BIN3: variants seen among roughly 807,000 people sequenced by gnomAD.
The protein encoded by BIN3 is bridging integrator 3.
In BIN3, 41 loss-of-function variants were observed where a neutral mutation model predicts 38.2. The observed-to-expected ratio is 1.07, with a 90% CI of 0.84 to 1.39. The LOEUF (loss-of-function observed/expected upper bound fraction) is 1.39. Ranked by LOEUF, BIN3 falls within the 40% of genes most tolerant of loss-of-function variation. The probability of loss-of-function intolerance (pLI) is 0.00; values close to 1 mark genes in which losing one functional copy is unlikely to be tolerated. For synonymous variants in BIN3, 145 were observed against 122.6 expected (o/e 1.18, Z -1.21); for missense variants, 361 against 324.3 (o/e 1.11, Z -0.87).
At chr8:22,629,368 G>A (rs1802106663) in intron 6 of BIN3, among the ~76,000 whole-genome samples, 1 of 152,278 alleles carries the variant, frequency 6.6e-6, no homozygotes, top group Non-Finnish European at 1.5e-5. Context: ...CCTGTTCCCC[G>A]CCCTGGGGAC....
chr8:22,668,958 G>C, intron 1 of BIN3, 86 bp downstream of exon 1: 1 of 1,526,074 alleles, frequency 6.6e-7, no homozygotes, highest in South Asian at 1.2e-5. Flanking sequence ...CGGGACCGGA[G>C]GGAGCCGGGA....
At position 22,630,024 on chromosome 8, in the gene BIN3, A is replaced by G. The variant is rs1802136303; in HGVS notation, c.298-20T>C. On this transcript the variant is annotated intron_variant, in intron 5 of 8. Transcript: ENST00000276416. ...GTTCACCTGTCAAAGAAAAACCCAA[A>G]GACATTAAAACTGGTGGGGAGGGGA... 1 of 1,604,626 alleles carries G rather than the reference A, an allele frequency of 6.2e-7. No homozygotes were observed. The highest frequency in any genetic ancestry group is 1.3e-5 in the African/African-American group (1 of 74,930).
intron 6 of BIN3, chr8:22,625,300 T>C: frequency 1.4e-6 from 1 of 702,066 alleles, no homozygotes; most frequent in Non-Finnish European, 2.6e-6. Flanking sequence ...GCAGGGGGCG[T>C]CTACCAGGCA....
intron 1 of BIN3, among the ~76,000 whole-genome samples, chr8:22,654,070 C>G (rs542897843): frequency 6.6e-6 from 1 of 152,316 alleles, no homozygotes; most frequent in African/African-American, 2.4e-5. Flanking sequence ...TACCAACTCC[C>G]AAACCTTTGA....
intron 2 of BIN3, among the ~76,000 whole-genome samples, chr8:22,640,169 A>T (rs1428919954): frequency 6.7e-6 from 1 of 149,708 alleles, no homozygotes; most frequent in Non-Finnish European, 1.5e-5. Context: ...AGCCTGCTGG[A>T]CACATCCTTC....
Position 22,669,119 on chromosome 8 carries a change from T to G in BIN3, c.-68A>C, listed in dbSNP as rs1325297295. Reference sequence around the variant, plus strand: ...TCGTTTCTCTAGGGTCACTTCCGGATTCAACCAGTCTCCAGGAAGTGACGT... The same window carrying G: ...TCGTTTCTCTAGGGTCACTTCCGGAGTCAACCAGTCTCCAGGAAGTGACGT... On this transcript the variant is annotated 5_prime_UTR_variant, in exon 1 of 9. Coordinates refer to ENST00000276416, the MANE Select transcript of BIN3 (RefSeq NM_018688.6). 2.6e-6 allele frequency: 4 copies of G among 1,551,464 alleles called. No individual in the cohort carries two copies. The highest frequency in any genetic ancestry group is 2.4e-5 in the East Asian group (1 of 41,232).
chr8:22,657,197 G>T (rs527386926), intron 1 of BIN3, among the ~76,000 whole-genome samples: 1 of 152,308 alleles, frequency 6.6e-6, no homozygotes, highest in Non-Finnish European at 1.5e-5. Flanking sequence ...ATAATTAAAT[G>T]AATGACTAAA....
intron 1 of BIN3, among the ~76,000 whole-genome samples, chr8:22,664,817 C>G (rs191767514): frequency 1.3e-3 from 202 of 152,334 alleles, no homozygotes; most frequent in African/African-American, 4.6e-3. Context: ...GGAAAGCCAT[C>G]TGAAAAGTTA....
chr8:22,640,029 T>C (rs568927463), intron 2 of BIN3, among the ~76,000 whole-genome samples: 3 of 148,274 alleles, frequency 2.0e-5, no homozygotes, highest in East Asian at 2.1e-4. Flanking sequence ...GCCTGGCTAA[T>C]TTTCGTGTTT....
chr8:22,627,437 G>A (rs1802037732), intron 6 of BIN3, among the ~76,000 whole-genome samples: 1 of 152,192 alleles, frequency 6.6e-6, no homozygotes, highest in Non-Finnish European at 1.5e-5. Context: ...GACAGTGGAT[G>A]TGCCACGGTG....
At chr8:22,639,112 GT>G in intron 2 of BIN3, among the ~76,000 whole-genome samples, 1 of 152,228 alleles carries the variant, frequency 6.6e-6, no homozygotes, top group East Asian at 1.9e-4. Flanking sequence ...TTGAAAGTCT[GT>G]ACTTTGGTGT....
intron 3 of BIN3, 166 bp downstream of exon 3, chr8:22,636,756 C>A: frequency 1.0e-6 from 1 of 988,016 alleles, no homozygotes; most frequent in Non-Finnish European, 1.5e-6. Context: ...GTGAATGACT[C>A]TCACATGGCC....
chr8:22,644,491 T>G (rs1585193453), intron 2 of BIN3: 2 of 453,558 alleles, frequency 4.4e-6, no homozygotes, highest in East Asian at 8.2e-5. Context: ...AGCAATATCT[T>G]CCTCTACATT....
At position 22,636,905 on chromosome 8, in the gene BIN3, C is replaced by T; in HGVS notation, c.98+17G>A. ...CCTCCCTGCCTCCCACCTCATCTTT[C>T]TGGGGTTGACACTCACTGCTGAAGT... On this transcript the variant is annotated intron_variant, in intron 3 of 8. Transcript: ENST00000276416. 3 of 1,610,834 alleles carry T rather than the reference C, an allele frequency of 1.9e-6. No individual in the cohort carries two copies. The highest frequency in any genetic ancestry group is 2.5e-6 in the Non-Finnish European group (3 of 1,177,048).
intron 2 of BIN3, among the ~76,000 whole-genome samples, chr8:22,639,442 G>A (rs1035841272): frequency 6.6e-6 from 1 of 152,132 alleles, no homozygotes; most frequent in Non-Finnish European, 1.5e-5. Flanking sequence ...ATGTTGCCTA[G>A]GCTTGTCTTG....
rs13439369 is a variant in BIN3, at chr8:22,620,848, C to T, written c.*574G>A. On this transcript the variant is annotated 3_prime_UTR_variant, in exon 9 of 9. Transcript: ENST00000276416. ...CTGACAGCTTGCGTTCCCGAGGTAC[C>T]AGTCCTCAGTGACCTCGGGAACCCC... 18,728 of 152,378 alleles carry T rather than the reference C, an allele frequency of 0.12. 2,590 individuals are homozygous for T. The highest frequency in any genetic ancestry group is 0.34 in the African/African-American group (14,035 of 41,482). 9.4% of individuals were successfully genotyped at this position (152,378 alleles called of 1,614,324 possible).
chr8:22,621,811 C>G (rs1435162703), intron 8 of BIN3, among the ~76,000 whole-genome samples: 2 of 152,132 alleles, frequency 1.3e-5, no homozygotes, highest in Admixed American at 6.5e-5. Context: ...CTCCTGGTTC[C>G]CCCAGCAGCA....
chr8:22,644,414 C>T (rs1274143163), intron 2 of BIN3, among the ~76,000 whole-genome samples: 1 of 152,258 alleles, frequency 6.6e-6, no homozygotes, highest in East Asian at 1.9e-4. Context: ...GTGGGGGCCA[C>T]TCTTTCAGGA....
chr8:22,660,882 T>TC (rs781312020), intron 1 of BIN3, among the ~76,000 whole-genome samples: 5 of 152,194 alleles, frequency 3.3e-5, no homozygotes, highest in Non-Finnish European at 5.9e-5. Flanking sequence ...TTCTTTCTTT[T>TC]CTTTTTTAAC....
Sources: gnomAD v4.1 joint callset for allele counts (sites outside exome capture counted in the v4.1 genomes callset) on GRCh38, gnomAD v4.1.1 for gene constraint, MANE v1.5 for transcripts, NCBI Gene and HGNC (gene_info 2026-07-23, HGNC 2026-07-21) for gene names.